Variants in STPG2 observed in about 807,000 individuals in gnomAD.
The protein encoded by STPG2 is sperm tail PG-rich repeat containing 2, also known as sperm-tail PG-rich repeat-containing protein 2.
STPG2 carries 56 observed loss-of-function variants against 54.2 expected under a neutral mutation model. That is an observed-to-expected ratio of 1.03 (90% CI 0.83 to 1.29). The LOEUF (loss-of-function observed/expected upper bound fraction) is 1.29, where lower values mean the gene tolerates loss of function less well. Ranked by LOEUF, STPG2 falls within the 50% of genes most tolerant of loss-of-function variation. The probability of loss-of-function intolerance (pLI) is 0.00; values close to 1 mark genes in which losing one functional copy is unlikely to be tolerated. For synonymous variants in STPG2, 200 were observed against 181.8 expected (o/e 1.10, Z -0.81); for missense variants, 596 against 544.9 (o/e 1.09, Z -0.93).
At chr4:98,101,521 A>AT (rs1553941952) in intron 5 of STPG2, among the ~76,000 whole-genome samples, 2 of 152,196 alleles carry the variant, frequency 1.3e-5, no homozygotes, top group African/African-American at 4.8e-5. Flanking sequence ...AGAAAAAAAA[A>AT]GAGCTTGAGC....
At chr4:97,580,218 A>G (rs1436286202) in intron 10 of STPG2, among the ~76,000 whole-genome samples, 1 of 151,990 alleles carries the variant, frequency 6.6e-6, no homozygotes, top group East Asian at 1.9e-4. Flanking sequence ...ATTCTGCAAT[A>G]AAGTCATAAG....
At chr4:97,672,129 C>G (rs1451495414) in intron 10 of STPG2, among the ~76,000 whole-genome samples, 1 of 144,058 alleles carries the variant, frequency 6.9e-6, no homozygotes. Flanking sequence ...AAAAAACTGT[C>G]TCAAAAAAGT....
At chr4:97,497,324 T>TA (rs1168330101) in intron 4 of STPG2, among the ~76,000 whole-genome samples, 6 of 151,802 alleles carry the variant, frequency 4.0e-5, no homozygotes, top group Admixed American at 6.6e-5. Flanking sequence ...ATTAGTAACT[T>TA]AAAAATGTCA....
rs1431908375 is a variant in STPG2 at position 97,540,772 on chromosome 4, T to C, written c.462+171927A>G. On this transcript the variant is annotated intron_variant, in intron 4 of 4. Coordinates refer to the STPG2 transcript ENST00000522676. ...AGCACATCAAAAAGCTTATCCACCA[T>C]GACAAAGTGGGCTTCATTCCTGGGA... 2.0e-5 allele frequency among the ~76,000 whole-genome samples: 3 copies of C among 152,160 alleles called. 1 individual carries two copies. The East Asian group carries it at 5.8e-4, about 29-fold the overall frequency.
intron 4 of STPG2, among the ~76,000 whole-genome samples, chr4:97,483,472 TAA>T (rs1730274584): frequency 1.3e-5 from 2 of 151,654 alleles, no homozygotes; most frequent in South Asian, 4.1e-4. Flanking sequence ...GTTAAAAAGA[TAA>T]AGAGGGACAT....
chr4:97,733,986 G>T (rs908480795), intron 9 of STPG2, among the ~76,000 whole-genome samples: 1 of 152,020 alleles, frequency 6.6e-6, no homozygotes, highest in Non-Finnish European at 1.5e-5. Context: ...TCTGATTTGG[G>T]TGTATTTTAT....
chr4:97,514,314 A>C (rs905070198), intron 4 of STPG2, among the ~76,000 whole-genome samples: 23 of 152,078 alleles, frequency 1.5e-4, no homozygotes, highest in Non-Finnish European at 2.6e-4. Flanking sequence ...ATGAGAAAGG[A>C]GTCTGAAGAA....
At chr4:98,107,211 T>C (rs1578172727) in intron 4 of STPG2, among the ~76,000 whole-genome samples, 1 of 152,164 alleles carries the variant, frequency 6.6e-6, no homozygotes, top group East Asian at 1.9e-4. Context: ...TATACACTTA[T>C]CTTTCATTTA....
chr4:97,971,018 AAAG>A (rs1243921787), intron 7 of STPG2, among the ~76,000 whole-genome samples: 1 of 152,246 alleles, frequency 6.6e-6, no homozygotes, highest in Non-Finnish European at 1.5e-5. Context: ...ACACTTCTCA[AAAG>A]AAGACAGTAA....
In STPG2 at chr4:97,712,664, C is replaced by T. The variant is rs375069302; in HGVS notation, c.1320+35G>A. On this transcript the variant is annotated intron_variant, in intron 10 of 10. Coordinates refer to ENST00000295268, the MANE Select transcript of STPG2 (RefSeq NM_174952.3). ...GTACTTTCTGGAAATTAATTCTATTCTTGTGTCACTGTTAAGAAGGAAATA... is the reference window on the plus strand; with the variant it reads ...GTACTTTCTGGAAATTAATTCTATTTTTGTGTCACTGTTAAGAAGGAAATA... 8 of 1,413,040 alleles carry T rather than the reference C, an allele frequency of 5.7e-6. No homozygotes were observed. In the South Asian group the frequency reaches 1.2e-4, roughly 20 times the overall value. 87.5% of individuals were successfully genotyped at this position (1,413,040 alleles called of 1,614,324 possible). A position where few individuals can be genotyped will look rare whatever the true frequency, so the allele number is the denominator to read the frequency against.
chr4:97,464,980 A>G (rs1349908745), intron 4 of STPG2, among the ~76,000 whole-genome samples: 3 of 152,138 alleles, frequency 2.0e-5, no homozygotes, highest in Admixed American at 2.0e-4. Context: ...CCTGGAAAGC[A>G]TAACTTTTTT....
At chr4:97,552,503 T>C (rs1731987085) in intron 4 of STPG2, among the ~76,000 whole-genome samples, 1 of 152,124 alleles carries the variant, frequency 6.6e-6, no homozygotes, top group Non-Finnish European at 1.5e-5. Context: ...GTAATACTTT[T>C]TAGAACTAGA....
At chr4:98,134,688 C>CAA (rs556037192) in intron 1 of STPG2, among the ~76,000 whole-genome samples, 7 of 144,970 alleles carry the variant, frequency 4.8e-5, no homozygotes, top group African/African-American at 1.0e-4. Context: ...TGAACAACAA[C>CAA]AAAAAAAAAA....
intron 6 of STPG2, among the ~76,000 whole-genome samples, chr4:97,974,999 T>C (rs965006746): frequency 2.6e-5 from 4 of 152,110 alleles, no homozygotes; most frequent in African/African-American, 9.7e-5. Context: ...CACAACAATA[T>C]AAATGTTTCT....
intron 10 of STPG2, among the ~76,000 whole-genome samples, chr4:97,694,728 G>C (rs1214362597): frequency 7.0e-6 from 1 of 142,806 alleles, no homozygotes; most frequent in Non-Finnish European, 1.5e-5. Flanking sequence ...CAGGAGAATG[G>C]TGTGAACCCG....
At chr4:97,858,951 T>C (rs530604774) in intron 8 of STPG2, among the ~76,000 whole-genome samples, 7 of 152,346 alleles carry the variant, frequency 4.6e-5, no homozygotes, top group Admixed American at 3.3e-4. Context: ...GTTCTACTTT[T>C]AGTTCTCTAA....
intron 10 of STPG2, among the ~76,000 whole-genome samples, chr4:97,630,978 A>G (rs1185735825): frequency 3.3e-5 from 5 of 151,966 alleles, no homozygotes; most frequent in Non-Finnish European, 7.4e-5. Context: ...TTCTGTGATC[A>G]GATAAGAAGC....
chr4:97,565,418 C>A (rs1193721002), intron 10 of STPG2, among the ~76,000 whole-genome samples: 16 of 152,182 alleles, frequency 1.1e-4, no homozygotes. Context: ...TCATCTGAAG[C>A]CTTCTTCTCT....
At chr4:97,614,066 G>A (rs559597537) in intron 10 of STPG2, among the ~76,000 whole-genome samples, 4 of 151,970 alleles carry the variant, frequency 2.6e-5, no homozygotes, top group Non-Finnish European at 4.4e-5. Context: ...GTATATACTT[G>A]TATACCAGGG....
Sources: allele counts gnomAD v4.1 joint callset (sites outside exome capture counted in the v4.1 genomes callset), GRCh38; gene constraint gnomAD v4.1.1; transcripts MANE v1.5; gene names NCBI Gene and HGNC (gene_info 2026-07-23, HGNC 2026-07-21).